TASP1: variants seen among roughly 807,000 people sequenced by gnomAD.
TASP1 encodes the protein taspase 1.
TASP1 carries 16 observed loss-of-function variants against 56.6 expected under a neutral mutation model. The observed-to-expected ratio is 0.28, with a 90% confidence interval of 0.19 to 0.43. The LOEUF is 0.43. Among genes scored for constraint, TASP1 ranks in the 20% least tolerant of loss-of-function variants. The probability of loss-of-function intolerance (pLI) is 1.00; values close to 1 mark genes in which losing one functional copy is unlikely to be tolerated. For missense variants in TASP1, 393 were observed against 511.6 expected (o/e 0.77, Z 2.24); for synonymous variants, 179 against 184.2 (o/e 0.97, Z 0.23).
At chr20:13,155,683 G>A in the TASP1 span, among the ~76,000 whole-genome samples, 14 of 151,710 alleles carry the variant, frequency 9.2e-5, no homozygotes, top group Non-Finnish European at 1.2e-4. Context: ...AAAACTAGCC[G>A]GGCGTGGTGG....
chr20:13,301,925 T>C, the TASP1 span, among the ~76,000 whole-genome samples: 2 of 152,112 alleles, frequency 1.3e-5, no homozygotes, highest in African/African-American at 4.8e-5. Context: ...GAAGTATCTG[T>C]TGGTTCTAAT....
At chr20:13,181,021 G>A in the TASP1 span, among the ~76,000 whole-genome samples, 3 of 152,282 alleles carry the variant, frequency 2.0e-5, no homozygotes, top group African/African-American at 7.2e-5. Context: ...CCACCTTGGA[G>A]GTTACCTGTA....
the TASP1 span, chr20:13,164,243 G>A: frequency 4.7e-6 from 2 of 429,588 alleles, no homozygotes; most frequent in African/African-American, 4.1e-5. Context: ...TTAAGTTCTA[G>A]TATTTTCTGG....
At chr20:13,216,576 A>C in the TASP1 span, among the ~76,000 whole-genome samples, 71,209 of 152,140 alleles carry the variant, frequency 0.47, 18,155 homozygotes, top group African/African-American at 0.69. Context: ...AAAATATTTA[A>C]CATCTTGCCC....
At chr20:13,570,295 T>C (rs2046668649) in intron 6 of TASP1, among the ~76,000 whole-genome samples, 1 of 152,228 alleles carries the variant, frequency 6.6e-6, no homozygotes, top group South Asian at 2.1e-4. Flanking sequence ...CAAATAGTAA[T>C]AGCAAGCAGT....
the TASP1 span, among the ~76,000 whole-genome samples, chr20:13,243,327 C>A: frequency 6.6e-6 from 1 of 152,200 alleles, no homozygotes; most frequent in Non-Finnish European, 1.5e-5. Context: ...GCAGTCCCAG[C>A]TCAGAAGTGA....
At chr20:13,127,590 A>G in the TASP1 span, among the ~76,000 whole-genome samples, 1 of 152,192 alleles carries the variant, frequency 6.6e-6, no homozygotes, top group East Asian at 1.9e-4. Flanking sequence ...TCACATACAA[A>G]TTTTGCTAGA....
chr20:13,589,933 T>C (rs2047458301), intron 4 of TASP1, among the ~76,000 whole-genome samples: 1 of 152,036 alleles, frequency 6.6e-6, no homozygotes, highest in African/African-American at 2.4e-5. Flanking sequence ...AAATCAATTC[T>C]AAAAACAGAA....
chr20:13,542,198 G>A (rs951667592), intron 8 of TASP1, among the ~76,000 whole-genome samples: 3 of 151,990 alleles, frequency 2.0e-5, no homozygotes, highest in Non-Finnish European at 4.4e-5. Context: ...AAGAAAAAAC[G>A]ATACACCAAG....
At chr20:13,569,612 A>T in intron 6 of TASP1, 26 bp from the exon 7 acceptor site, 1 of 1,585,836 alleles carries the variant, frequency 6.3e-7, no homozygotes, top group Non-Finnish European at 8.6e-7. Context: ...TTATTTTTAA[A>T]ATTCACAGTG....
chr20:13,114,216 C>T, the TASP1 span, among the ~76,000 whole-genome samples: 9 of 152,296 alleles, frequency 5.9e-5, no homozygotes, highest in East Asian at 9.7e-4. Context: ...GGCATTGAAA[C>T]GTAAAACCCA....
chr20:13,498,637 C>A (rs2043825379), intron 10 of TASP1, among the ~76,000 whole-genome samples: 1 of 151,922 alleles, frequency 6.6e-6, no homozygotes, highest in South Asian at 2.1e-4. Flanking sequence ...GGCCACCATG[C>A]CCAGCCTGAA....
the TASP1 span, among the ~76,000 whole-genome samples, chr20:13,246,951 T>C: frequency 1.3e-5 from 2 of 151,868 alleles, no homozygotes; most frequent in East Asian, 3.9e-4. Flanking sequence ...TATATATGTA[T>C]AGTGCCGGGC....
chr20:13,206,351 CA>C, the TASP1 span, among the ~76,000 whole-genome samples: 2 of 152,018 alleles, frequency 1.3e-5, no homozygotes, highest in East Asian at 3.9e-4. Flanking sequence ...ACAGGTGGTA[CA>C]AAAGGTAAGT....
intron 8 of TASP1, among the ~76,000 whole-genome samples, chr20:13,535,673 T>C (rs1436952496): frequency 6.6e-6 from 1 of 152,212 alleles, no homozygotes; most frequent in African/African-American, 2.4e-5. Context: ...TCACACTGAA[T>C]GCAACAGACA....
At chr20:13,153,692 A>G in the TASP1 span, among the ~76,000 whole-genome samples, 3 of 152,162 alleles carry the variant, frequency 2.0e-5, no homozygotes, top group Admixed American at 6.5e-5. Context: ...TTTTTAAGGT[A>G]CTTTGCACAG....
At chr20:13,265,724 G>A in the TASP1 span, among the ~76,000 whole-genome samples, 2 of 152,026 alleles carry the variant, frequency 1.3e-5, no homozygotes, top group Non-Finnish European at 2.9e-5. Flanking sequence ...TACTTTCAAT[G>A]GCAAAACCTT....
chr20:13,365,863 A>G, the TASP1 span, among the ~76,000 whole-genome samples: 1 of 152,150 alleles, frequency 6.6e-6, no homozygotes, highest in African/African-American at 2.4e-5. Context: ...ATAGGAAAGG[A>G]ATGGAGGCAG....
chr20:13,607,561 T>A (rs1297551854), intron 4 of TASP1, among the ~76,000 whole-genome samples: 2 of 152,224 alleles, frequency 1.3e-5, no homozygotes, highest in African/African-American at 4.8e-5. Flanking sequence ...CATTTTTATA[T>A]AAAATGATTT....
Sources: allele counts gnomAD v4.1 joint callset (sites outside exome capture counted in the v4.1 genomes callset), GRCh38; gene constraint gnomAD v4.1.1; transcripts MANE v1.5; gene names NCBI Gene and HGNC (gene_info 2026-07-23, HGNC 2026-07-21).